Variants in GRAMD1B observed in about 807,000 individuals in gnomAD.
The protein encoded by GRAMD1B is GRAM domain containing 1B.
In GRAMD1B, 37 loss-of-function variants were observed where a neutral mutation model predicts 99.7. That is an observed-to-expected ratio of 0.37 (90% CI 0.29 to 0.49). GRAMD1B has a LOEUF of 0.49. Among genes scored for constraint, GRAMD1B ranks in the 20% least tolerant of loss-of-function variants. The pLI is 0.98. For missense variants in GRAMD1B, 888 were observed against 1,009.2 expected (o/e 0.88, Z 1.63); for synonymous variants, 427 against 387.6 (o/e 1.10, Z -1.19).
At chr11:123,419,140 A>G (rs996233473) in intron 1 of GRAMD1B, among the ~76,000 whole-genome samples, 2 of 152,216 alleles carry the variant, frequency 1.3e-5, no homozygotes, top group African/African-American at 4.8e-5. Flanking sequence ...GACATCATAA[A>G]AGGTCAACTT....
At chr11:123,613,007 T>C (rs77620496) in intron 15 of GRAMD1B, 143 bp downstream of exon 15, 11,406 of 613,338 alleles carry the variant, frequency 0.019, 256 homozygotes, top group South Asian at 0.06. Context: ...CACACCTGCT[T>C]CAGAAGTGGA....
upstream of GRAMD1B, among the ~76,000 whole-genome samples, chr11:123,429,165 C>T (rs1456079656): frequency 6.6e-6 from 1 of 152,120 alleles, no homozygotes; most frequent in Non-Finnish European, 1.5e-5. This position sits in a 1 kb window ranked among gnomAD's most constrained non-coding sequence, Gnocchi z 4.0. Flanking sequence ...TGCACTCCAG[C>T]CTGGGCAACA....
chr11:123,384,817 C>G (rs1392135610), intron 1 of GRAMD1B, among the ~76,000 whole-genome samples: 2 of 152,172 alleles, frequency 1.3e-5, no homozygotes, highest in Non-Finnish European at 2.9e-5. Flanking sequence ...CTTAAAGGAC[C>G]TGATAGTCCA....
chr11:123,596,584 T>G (rs747029790), intron 7 of GRAMD1B, among the ~76,000 whole-genome samples: 1 of 152,202 alleles, frequency 6.6e-6, no homozygotes, highest in African/African-American at 2.4e-5. Flanking sequence ...GGTTCAAGGC[T>G]AGGGGTAGAC....
chr11:123,518,479 G>A (rs1055741079), intron 2 of GRAMD1B, among the ~76,000 whole-genome samples: 9 of 152,212 alleles, frequency 5.9e-5, no homozygotes, highest in Admixed American at 4.6e-4. Flanking sequence ...TGAGGGAGGT[G>A]ATCCCAATGT....
chr11:123,467,505 C>G (rs1591619182), intron 1 of GRAMD1B, among the ~76,000 whole-genome samples: 1 of 149,540 alleles, frequency 6.7e-6, no homozygotes, highest in South Asian at 2.1e-4. Flanking sequence ...TGAGATGCAG[C>G]TTCCTCATGT....
upstream of GRAMD1B, among the ~76,000 whole-genome samples, chr11:123,429,680 G>A (rs1591508516): frequency 6.6e-6 from 1 of 152,132 alleles, no homozygotes; most frequent in South Asian, 2.1e-4. This position sits in a 1 kb window ranked among gnomAD's most constrained non-coding sequence, Gnocchi z 4.0. Flanking sequence ...TACTGGTCCT[G>A]TGTCCTTTGT....
intron 1 of GRAMD1B, among the ~76,000 whole-genome samples, chr11:123,388,688 A>G (rs1227965110): frequency 1.3e-5 from 2 of 148,380 alleles, no homozygotes; most frequent in Non-Finnish European, 3.0e-5. Context: ...GTTTCAAACA[A>G]ACAAACAAAC....
At chr11:123,573,169 G>A (rs1213755989) in intron 2 of GRAMD1B, among the ~76,000 whole-genome samples, 1 of 152,152 alleles carries the variant, frequency 6.6e-6, no homozygotes, top group Non-Finnish European at 1.5e-5. Flanking sequence ...GGCTGGGGCA[G>A]GAGCTCAGTT....
chr11:123,453,143 G>A (rs55991135), intron 1 of GRAMD1B, among the ~76,000 whole-genome samples: 18,231 of 152,028 alleles, frequency 0.12, 1,254 homozygotes, highest in Non-Finnish European at 0.15. Flanking sequence ...TCCTTAGAAG[G>A]TTAGGAAGAA....
At chr11:123,489,103 T>A (rs1938239052) in intron 2 of GRAMD1B, among the ~76,000 whole-genome samples, 1 of 151,956 alleles carries the variant, frequency 6.6e-6, no homozygotes, top group Non-Finnish European at 1.5e-5. Context: ...CCAGGGAGCC[T>A]GTCCATTTAT....
At chr11:123,569,348 A>G (rs1336199857) in intron 2 of GRAMD1B, among the ~76,000 whole-genome samples, 1 of 152,140 alleles carries the variant, frequency 6.6e-6, no homozygotes, top group Non-Finnish European at 1.5e-5. Flanking sequence ...AGGAGGATCC[A>G]AGGGGAATTG....
chr11:123,419,003 G>A (rs1472498131), intron 1 of GRAMD1B, among the ~76,000 whole-genome samples: 3 of 152,186 alleles, frequency 2.0e-5, no homozygotes, highest in Admixed American at 6.5e-5. Flanking sequence ...CACTAATTGC[G>A]ATACAAGGTG....
intron 19 of GRAMD1B, 58 bp from the exon 20 acceptor site, chr11:123,622,448 T>A: frequency 9.5e-7 from 1 of 1,047,762 alleles, no homozygotes; most frequent in South Asian, 1.3e-5. Flanking sequence ...GGCTGCTCGG[T>A]GGAGAATCCC....
intron 1 of GRAMD1B, chr11:123,458,826 A>G (rs552749445): frequency 1.3e-5 from 2 of 151,860 alleles, no homozygotes; most frequent in South Asian, 4.2e-4. Flanking sequence ...CGGGTGGGTT[A>G]TTTTCAAATT....
At chr11:123,520,776 C>CAAAAAAA (rs11219185) in intron 2 of GRAMD1B, among the ~76,000 whole-genome samples, 1 of 103,700 alleles carries the variant, frequency 9.6e-6, no homozygotes, top group Non-Finnish European at 1.9e-5. Flanking sequence ...GAGACCCTGT[C>CAAAAAAA]AAAAAAAAAA....
At chr11:123,437,418 A>G (rs1373285737) in intron 1 of GRAMD1B, among the ~76,000 whole-genome samples, 1 of 152,172 alleles carries the variant, frequency 6.6e-6, no homozygotes, top group Admixed American at 6.5e-5. Flanking sequence ...GGGAAGGGAA[A>G]GCTGACGACG....
At chr11:123,518,410 G>T (rs1037666379) in intron 2 of GRAMD1B, among the ~76,000 whole-genome samples, 6 of 152,124 alleles carry the variant, frequency 3.9e-5, no homozygotes, top group Non-Finnish European at 2.9e-5. Flanking sequence ...AAGGGATATC[G>T]ATGGCTGCTT....
At chr11:123,547,947 G>A (rs1199528034) in intron 2 of GRAMD1B, among the ~76,000 whole-genome samples, 1 of 152,048 alleles carries the variant, frequency 6.6e-6, no homozygotes, top group African/African-American at 2.4e-5. Context: ...TCACACTCCT[G>A]CATTTGTAGA....
Sources: gnomAD v4.1 joint callset for allele counts (sites outside exome capture counted in the v4.1 genomes callset) on GRCh38, gnomAD v4.1.1 for gene constraint, Gnocchi (gnomAD v3.1) non-coding constraint, MANE v1.5 for transcripts, NCBI Gene and HGNC (gene_info 2026-07-23, HGNC 2026-07-21) for gene names.